Variants in ALOX12B observed in about 807,000 individuals in gnomAD.
ALOX12B encodes arachidonate 12-lipoxygenase, 12R-type.
Under a neutral mutation model 78.9 loss-of-function variants are expected in ALOX12B, and 47 were observed. The ratio of observed to expected loss-of-function variants is 0.60; its 90% CI spans 0.47 to 0.76. ALOX12B has a LOEUF of 0.76. ALOX12B is among the 30% of genes least tolerant of loss of function. The pLI is 0.00. For synonymous variants in ALOX12B, 370 were observed against 374.5 expected (o/e 0.99, Z 0.14); for missense variants, 805 against 922.6 (o/e 0.87, Z 1.65).
At chr17:8,083,354 G>A (rs534853452) in intron 2 of ALOX12B, among the ~76,000 whole-genome samples, 6 of 152,272 alleles carry the variant, frequency 3.9e-5, no homozygotes, top group Non-Finnish European at 5.9e-5. Context: ...AGAAACAGTC[G>A]CTATTATGTA....
Position 8,080,645 on chromosome 17 carries a change from C to T in ALOX12B, c.650+13G>A, listed in dbSNP as rs200225122. On this transcript the variant is annotated intron_variant, in intron 5 of 14. Coordinates refer to ENST00000647874, the MANE Select transcript of ALOX12B (RefSeq NM_001139.3). This position sits in a 1 kb window ranked among gnomAD's most constrained non-coding sequence, Gnocchi z 4.8. ...CAGGAGCCCTCGTTCTCCCGTCACTCACACGGACTCACATGGGCCCCAGGC... is the reference window on the plus strand; with the variant it reads ...CAGGAGCCCTCGTTCTCCCGTCACTTACACGGACTCACATGGGCCCCAGGC... 6.2e-7 allele frequency: 1 copy of T among 1,614,052 alleles called. No homozygotes were observed. The highest frequency in any genetic ancestry group is 8.5e-7 in the Non-Finnish European group (1 of 1,180,006).
chr17:8,085,981 C>A (rs781272401), intron 2 of ALOX12B, 35 bp downstream of exon 2: 2 of 1,609,434 alleles, frequency 1.2e-6, no homozygotes, highest in East Asian at 2.2e-5. Context: ...AGAGGCCTCA[C>A]GGCCATAGGA....
At position 8,076,246 on chromosome 17, in the gene ALOX12B, C is replaced by G. The variant is rs541196633; in HGVS notation, c.1461G>C (p.Glu487Asp). 2.5e-6 allele frequency: 4 copies of G among 1,614,220 alleles called. No homozygotes were observed. In the South Asian group the frequency reaches 4.4e-5, roughly 18 times the overall value. The change falls in exon 11 of 15, where the codon GAG becomes GAC. Residue 487 changes from glutamate to aspartate, a missense_variant. Transcript: ENST00000647874. Reference sequence around the variant, plus strand: ...ATCCAGGCAGGTCCTGGACCCCACGCTCCACAAAGTCATTGGGGAGGTAGA... The same window carrying G: ...ATCCAGGCAGGTCCTGGACCCCACGGTCCACAAAGTCATTGGGGAGGTAGA... ...DSLYLPNDFV[E>D]RGVQDLPGYY...
At chr17:8,081,915 TTA>T (rs1977225578) in intron 2 of ALOX12B, among the ~76,000 whole-genome samples, 2 of 152,176 alleles carry the variant, frequency 1.3e-5, no homozygotes. Context: ...AGTGCTGGGA[TTA>T]TAGGTGTGAG....
Position 8,087,298 on chromosome 17 carries a change from C to T in ALOX12B, c.145G>A (p.Ala49Thr), listed in dbSNP as rs1442042173. 4.4e-6 allele frequency: 7 copies of T among 1,605,594 alleles called. No individual in the cohort carries two copies. The South Asian group carries it at 7.7e-5, about 18-fold the overall frequency. Residue 49 changes from alanine (A) to threonine (T), a missense_variant and splice_region_variant, in exon 1 of 15, where the codon GCG becomes ACG. Coordinates refer to ENST00000647874, the MANE Select transcript of ALOX12B (RefSeq NM_001139.3). ...CACACACACACACACACTCTTACCG[C>T]CCCAGTTGCAAAGTCTCTCCCAAAG... ...NHFGRDFATGAVGQYTVQCPQ... is the reference protein window; with the variant it reads ...NHFGRDFATGTVGQYTVQCPQ...
chr17:8,073,395 G>T (rs936825469), intron 13 of ALOX12B, 77 bp from the exon 14 acceptor site: 1 of 1,584,656 alleles, frequency 6.3e-7, no homozygotes, highest in African/African-American at 1.3e-5. Flanking sequence ...CTGACCACCC[G>T]CCCTCCAGTC....
chr17:8,079,450 G>C lies in ALOX12B; in HGVS notation c.1017C>G (p.Pro339=). ...LSGRKQHHCA[P]LCLLHFGPEG... is the part of the protein sequence containing the mutation. ...CGGGTCCAAAGTGCAGCAGGCAGAG[G>C]GGGGCGCAGTGGTGCTGCTTCCGGC... Residue 339 remains proline, a synonymous_variant, in exon 8 of 15, where the codon CCC becomes CCG. Coordinates refer to ENST00000647874, the MANE Select transcript of ALOX12B (RefSeq NM_001139.3). The surrounding 1 kb of genome is among the most constrained non-coding windows in gnomAD (Gnocchi z 6.4). The C allele has an allele frequency of 3.2e-6, 5 of 1,551,238 alleles. No homozygotes were observed. Among genetic ancestry groups the C allele is most frequent in the Non-Finnish European group, 4.4e-6 (5 of 1,147,066 alleles).
intron 11 of ALOX12B, 48 bp from the exon 12 acceptor site, chr17:8,075,764 C>T (rs773751211): frequency 6.2e-7 from 1 of 1,613,888 alleles, no homozygotes; most frequent in Non-Finnish European, 8.5e-7. Context: ...CCCTCCCACT[C>T]CTCAGCCAGG....
Position 8,080,674 on chromosome 17 carries a change from CGAA to C in ALOX12B, c.631_633del (p.Phe211del), listed in dbSNP as rs1026084346. On this transcript the variant is annotated inframe_deletion, in exon 5 of 15. Coordinates refer to ENST00000647874, the MANE Select transcript of ALOX12B (RefSeq NM_001139.3). This position sits in a 1 kb window ranked among gnomAD's most constrained non-coding sequence, Gnocchi z 4.8. ...CGGACTCACATGGGCCCCAGGCGGACGAAGAAGGAGGCCGTCTTGAGGAAGGAG... is the reference window on the plus strand; with the variant it reads ...CGGACTCACATGGGCCCCAGGCGGACGAAGGAGGCCGTCTTGAGGAAGGAG... The C allele has an allele frequency of 3.1e-6, 5 of 1,613,966 alleles. No individual in the cohort carries two copies. The highest frequency in any genetic ancestry group is 2.7e-5 in the African/African-American group (2 of 74,882).
chr17:8,076,786 G>A (rs1977094202), intron 9 of ALOX12B, 43 bp from the exon 10 acceptor site: 1 of 1,532,046 alleles, frequency 6.5e-7, no homozygotes, highest in Non-Finnish European at 8.8e-7. Flanking sequence ...GGCTGAAGTG[G>A]CCCCCAAAGG....
intron 2 of ALOX12B, among the ~76,000 whole-genome samples, chr17:8,085,723 T>C (rs1032913513): frequency 6.6e-6 from 1 of 152,154 alleles, no homozygotes; most frequent in African/African-American, 2.4e-5. Context: ...CAGGGAGGAC[T>C]GGAGAGGTAG....
intron 2 of ALOX12B, among the ~76,000 whole-genome samples, chr17:8,083,399 G>T (rs1274372818): frequency 1.3e-5 from 2 of 152,090 alleles, no homozygotes; most frequent in African/African-American, 4.8e-5. Flanking sequence ...GCCCCGTAGT[G>T]GGCTGCTTCT....
At chr17:8,073,115 C>T in intron 14 of ALOX12B, 33 bp downstream of exon 14, 1 of 1,613,820 alleles carries the variant, frequency 6.2e-7, no homozygotes, top group Non-Finnish European at 8.5e-7. Flanking sequence ...TGGTCCCCTC[C>T]CTGTGCTCAG....
chr17:8,081,216 G>T, intron 2 of ALOX12B, 29 bp from the exon 3 acceptor site: 1 of 1,609,374 alleles, frequency 6.2e-7, no homozygotes, highest in Non-Finnish European at 8.5e-7. Flanking sequence ...GAGGACTCAA[G>T]GGCTGACCCT....
rs886690058 is a variant in ALOX12B, at chr17:8,079,798, C to A, written c.898G>T (p.Glu300Ter). 4 of 1,613,132 alleles carry A rather than the reference C, an allele frequency of 2.5e-6. No individual in the cohort carries two copies. The highest frequency in any genetic ancestry group is 3.4e-6 in the Non-Finnish European group (4 of 1,179,886). The change falls in exon 7 of 15, where the codon GAG becomes TAG. Residue 300 changes from glutamate to a stop codon, truncating the protein, a stop_gained. Coordinates refer to ENST00000647874, the MANE Select transcript of ALOX12B (RefSeq NM_001139.3). LOFTEE classifies it high-confidence loss of function. The surrounding 1 kb of genome is among the most constrained non-coding windows in gnomAD (Gnocchi z 6.4). ...AGCTCCGCTTGCAAGCACGTTCCCTCGCCCAGGAACGGAGCCACCATGTCG... is the reference window on the plus strand; with the variant it reads ...AGCTCCGCTTGCAAGCACGTTCCCTAGCCCAGGAACGGAGCCACCATGTCG... Reference protein sequence around the residue: ...TDDMVAPFLGEGTCLQAELEK... With the variant: ...TDDMVAPFLG
At position 8,087,259 on chromosome 17, in the gene ALOX12B, GAC is replaced by G. The variant is rs3217514; in HGVS notation, c.147+35_147+36del. 0.062 allele frequency: 61,295 copies of G among 989,376 alleles called. 2,709 individuals carry two copies. Among genetic ancestry groups the G allele is most frequent in the African/African-American group, 0.36 (23,308 of 64,292 alleles). 61.3% of individuals were successfully genotyped at this position (989,376 alleles called of 1,614,324 possible). A position where few individuals can be genotyped will look rare whatever the true frequency, so the allele number is the denominator to read the frequency against. Reference sequence around the variant, plus strand: ...ACAGACACACACACACACACACACAGACACACACACACACACACACACACACA... The same window carrying G: ...ACAGACACACACACACACACACACAGACACACACACACACACACACACACA... On this transcript the variant is annotated intron_variant, in intron 1 of 14. Transcript: ENST00000647874.
At chr17:8,081,419 T>C in intron 2 of ALOX12B, 2 of 608,934 alleles carry the variant, frequency 3.3e-6, no homozygotes, top group East Asian at 5.7e-5. Context: ...GCTCTGCTGC[T>C]GCAAAAAGTC....
rs113656751 is a variant in ALOX12B at position 8,075,870 on chromosome 17, G to C, written c.1533-154C>G. Among the ~76,000 whole-genome samples the C allele has an allele frequency of 6.4e-3, 974 of 152,298 alleles. 10 individuals carry two copies. Among genetic ancestry groups the C allele is most frequent in the African/African-American group, 0.02 (849 of 41,544 alleles). ...AAGTCCTGTGGGGCAGAAGTGGAGA[G>C]GATGGCTTGGCAAGGTCAGAACACA... On this transcript the variant is annotated intron_variant, in intron 11 of 14. Coordinates refer to ENST00000647874, the MANE Select transcript of ALOX12B (RefSeq NM_001139.3).
chr17:8,083,954 C>T (rs1024175307), intron 2 of ALOX12B, among the ~76,000 whole-genome samples: 3 of 152,030 alleles, frequency 2.0e-5, no homozygotes, highest in Non-Finnish European at 4.4e-5. Flanking sequence ...GTCAGGAGAT[C>T]GAAACCATCC....
Sources: gnomAD v4.1 joint callset for allele counts (sites outside exome capture counted in the v4.1 genomes callset) on GRCh38, gnomAD v4.1.1 for gene constraint, Gnocchi (gnomAD v3.1) non-coding constraint, MANE v1.5 for transcripts, NCBI Gene and HGNC (gene_info 2026-07-23, HGNC 2026-07-21) for gene names.